The following NHS variants were observed in gnomAD, a reference collection of about 807,000 sequenced individuals.
The protein encoded by NHS is NHS actin remodeling regulator.
Under a neutral mutation model 72.5 loss-of-function variants are expected in NHS, and 5 were observed. The observed-to-expected ratio is 0.07, with a 90% CI of 0.04 to 0.14. NHS has a LOEUF of 0.14. Among genes scored for constraint, NHS ranks in the 10% least tolerant of loss-of-function variants. The probability of loss-of-function intolerance (pLI) is 1.00; values close to 1 mark genes in which losing one functional copy is unlikely to be tolerated. For missense variants in NHS, 1,072 were observed against 1,355.7 expected (o/e 0.79, Z 3.29); for synonymous variants, 464 against 547.7 (o/e 0.85, Z 2.13).
At chrX:17,579,423 C>G (rs1237751736) in intron 1 of NHS, among the ~76,000 whole-genome samples, 8 of 110,892 alleles carry the variant, frequency 7.2e-5, no homozygotes, top group Non-Finnish European at 1.5e-4. Flanking sequence ...CTTCTCCTGC[C>G]TTTTTCAAGC....
chrX:17,515,910 G>A (rs953545393), intron 1 of NHS, among the ~76,000 whole-genome samples: 50 of 111,193 alleles, frequency 4.5e-4, no homozygotes, highest in African/African-American at 1.4e-3. Context: ...TTCAAATGTA[G>A]TCAATAATTT....
At chrX:17,690,564 C>T (rs1314360033) in intron 2 of NHS, among the ~76,000 whole-genome samples, 1 of 112,096 alleles carries the variant, frequency 8.9e-6, no homozygotes, top group East Asian at 2.8e-4. Flanking sequence ...AGCAAACCCC[C>T]CAACAAATTT....
chrX:17,377,079 G>A (rs1169929363), intron 1 of NHS, among the ~76,000 whole-genome samples: 1 of 112,116 alleles, frequency 8.9e-6, no homozygotes. Flanking sequence ...CCTACTAAAT[G>A]GCTCTGTGCC....
intron 1 of NHS, among the ~76,000 whole-genome samples, chrX:17,538,639 G>C (rs777404361): frequency 9.0e-6 from 1 of 111,611 alleles, no homozygotes; most frequent in South Asian, 3.8e-4. Flanking sequence ...ATAGGTGTAC[G>C]GAGCAAGAAG....
rs940819870 is a variant in NHS at position 17,418,966 on chromosome X, G to A, written c.565+42644G>A. Among the ~76,000 whole-genome samples the A allele has an allele frequency of 4.4e-5, 5 of 112,403 alleles. No individual in the cohort carries two copies. In the South Asian group the frequency reaches 1.8e-3, roughly 41 times the overall value. The stretch of plus-strand genomic sequence containing the variant: ...TCACAGCTAAGGCTCTCAGAGCAGA[G>A]ACCACTCCTTCCTTCTCTTGTGTAT... On this transcript the variant is annotated intron_variant, in intron 1 of 8. Transcript: ENST00000676302.
At chrX:17,725,292 G>A in intron 6 of NHS, 55 bp from the exon 7 acceptor site, 1 of 1,093,138 alleles carries the variant, frequency 9.1e-7, no homozygotes, top group African/African-American at 1.8e-5. Context: ...AGCTCAGAAT[G>A]TCTGTTGGTC....
intron 1 of NHS, among the ~76,000 whole-genome samples, chrX:17,496,589 T>TG (rs1461490091): frequency 9.0e-6 from 1 of 111,367 alleles, no homozygotes; most frequent in East Asian, 2.8e-4. Context: ...GGCAAGCAGA[T>TG]GTCAAAAAGA....
chrX:17,705,234 A>T, intron 3 of NHS: 1 of 112,098 alleles, frequency 8.9e-6, no homozygotes, highest in South Asian at 3.8e-4. Flanking sequence ...ACGGGGCATG[A>T]TGGGGTAGAG....
At chrX:17,376,372 C>A (rs1193908203) in intron 1 of NHS, 50 bp downstream of exon 1, 1 of 1,054,870 alleles carries the variant, frequency 9.5e-7, no homozygotes, top group South Asian at 2.0e-5. Flanking sequence ...CTGCGCCGCA[C>A]CCTCGCGCCC....
chrX:17,677,324 T>C (rs780029481), intron 1 of NHS, among the ~76,000 whole-genome samples: 1 of 112,071 alleles, frequency 8.9e-6, no homozygotes, highest in East Asian at 2.8e-4. Context: ...CCTCTGCCTA[T>C]TGTGTGCTCT....
intron 5 of NHS, 73 bp from the exon 6 acceptor site, chrX:17,724,226 A>G (rs2066427299): frequency 8.5e-7 from 1 of 1,171,598 alleles, no homozygotes; most frequent in South Asian, 1.8e-5. Flanking sequence ...CGTCAAAAAT[A>G]TCACTGTGTT....
intron 1 of NHS, among the ~76,000 whole-genome samples, chrX:17,533,263 C>CT (rs1325579891): frequency 2.7e-5 from 3 of 111,569 alleles, no homozygotes; most frequent in Non-Finnish European, 5.7e-5. Flanking sequence ...TTTCGGCAAC[C>CT]TTTTTTTGTA....
At chrX:17,693,705 T>C (rs1301980549) in intron 3 of NHS, among the ~76,000 whole-genome samples, 1 of 112,828 alleles carries the variant, frequency 8.9e-6, no homozygotes, top group Non-Finnish European at 1.9e-5. Flanking sequence ...AGGCAGGTCC[T>C]TCAGTGCTCA....
intron 3 of NHS, among the ~76,000 whole-genome samples, chrX:17,709,042 G>A (rs1014660211): frequency 1.4e-4 from 16 of 111,033 alleles, no homozygotes; most frequent in African/African-American, 4.3e-4. Flanking sequence ...AGAGAGGAGC[G>A]TTTGATGTTA....
chrX:17,662,317 T>A (rs1348693199), intron 1 of NHS, among the ~76,000 whole-genome samples: 2 of 111,786 alleles, frequency 1.8e-5, no homozygotes, highest in African/African-American at 6.5e-5. Flanking sequence ...GTAAGTCTGA[T>A]GCCTCAAGGA....
chrX:17,555,357 C>T (rs2065365251), intron 1 of NHS, among the ~76,000 whole-genome samples: 1 of 109,763 alleles, frequency 9.1e-6, no homozygotes, highest in Non-Finnish European at 1.9e-5. Flanking sequence ...TGGCTGACTA[C>T]CTAAAGCAGG....
intron 3 of NHS, among the ~76,000 whole-genome samples, chrX:17,706,944 C>T (rs976723985): frequency 3.6e-5 from 4 of 111,919 alleles, no homozygotes; most frequent in Non-Finnish European, 7.5e-5. Flanking sequence ...TCAATTACAG[C>T]ACTGTTTTCC....
At chrX:17,417,012 G>A (rs1268418601) in intron 1 of NHS, among the ~76,000 whole-genome samples, 2 of 110,131 alleles carry the variant, frequency 1.8e-5, no homozygotes, top group Non-Finnish European at 3.8e-5. Flanking sequence ...TTACCCTTCT[G>A]GACAAACACT....
intron 1 of NHS, among the ~76,000 whole-genome samples, chrX:17,507,991 A>G (rs2065067469): frequency 8.9e-6 from 1 of 111,762 alleles, no homozygotes; most frequent in South Asian, 3.8e-4. Context: ...CCTCATAGTA[A>G]GCCTGAGGTT....
Sources: allele counts gnomAD v4.1 joint callset (sites outside exome capture counted in the v4.1 genomes callset), GRCh38; gene constraint gnomAD v4.1.1; transcripts MANE v1.5; gene names NCBI Gene and HGNC (gene_info 2026-07-23, HGNC 2026-07-21).